The following RORA variants were observed in gnomAD, a reference collection of about 807,000 sequenced individuals.
RORA encodes RAR related orphan receptor A.
In RORA, 7 loss-of-function variants were observed where a neutral mutation model predicts 69.5. The observed-to-expected ratio is 0.10, with a 90% CI of 0.06 to 0.19. The LOEUF (loss-of-function observed/expected upper bound fraction) is 0.19, where lower values mean the gene tolerates loss of function less well. Ranked by LOEUF, RORA falls within the 10% of genes least tolerant of loss-of-function variation. The pLI is 1.00. For missense variants in RORA, 457 were observed against 663.0 expected, an observed-to-expected ratio of 0.69 and a Z score of 3.41; for synonymous variants, 261 against 240.8, an observed-to-expected ratio of 1.08 and a Z score of -0.78.
chr15:60,517,730 G>A (rs1392208973), intron 3 of RORA, among the ~76,000 whole-genome samples: 3 of 152,176 alleles, frequency 2.0e-5, no homozygotes, highest in Admixed American at 6.5e-5. Flanking sequence ...CTTGTGTAAA[G>A]GCATCACTGT....
intron 2 of RORA, among the ~76,000 whole-genome samples, chr15:60,607,426 C>G (rs896315508): frequency 5.9e-5 from 9 of 152,056 alleles, no homozygotes; most frequent in African/African-American, 1.2e-4. Flanking sequence ...TATGATGTAC[C>G]TCATTTTCTG....
intron 1 of RORA, among the ~76,000 whole-genome samples, chr15:61,066,901 A>G (rs1295410759): frequency 6.7e-6 from 1 of 150,224 alleles, no homozygotes; most frequent in Non-Finnish European, 1.5e-5. Context: ...AAAAAAAAAA[A>G]AAAAACCCAA....
intron 2 of RORA, among the ~76,000 whole-genome samples, chr15:60,565,007 G>A (rs149563019): frequency 9.2e-5 from 14 of 152,172 alleles, no homozygotes; most frequent in African/African-American, 7.2e-5. Context: ...GTTATCTATT[G>A]TATTCTACCA....
chr15:60,653,267 C>T (rs1249247444), intron 2 of RORA, among the ~76,000 whole-genome samples: 4 of 151,478 alleles, frequency 2.6e-5, no homozygotes, highest in East Asian at 1.9e-4. Context: ...GATACAAGGT[C>T]GTCCTTTGGC....
chr15:61,127,064 A>T (rs940496584), intron 1 of RORA, among the ~76,000 whole-genome samples: 4 of 152,180 alleles, frequency 2.6e-5, no homozygotes, highest in Non-Finnish European at 5.9e-5. Context: ...AAATCCAATT[A>T]TAAATATATT....
intron 1 of RORA, among the ~76,000 whole-genome samples, chr15:61,152,847 A>G (rs2079409332): frequency 6.6e-6 from 1 of 152,190 alleles, no homozygotes; most frequent in African/African-American, 2.4e-5. Flanking sequence ...GCAACTCCCT[A>G]CAGAATAATG....
At chr15:61,221,448 A>G (rs2140947935) in intron 1 of RORA, among the ~76,000 whole-genome samples, 1 of 152,288 alleles carries the variant, frequency 6.6e-6, no homozygotes, top group Non-Finnish European at 1.5e-5. Context: ...CAAAAAAGTC[A>G]GACGATTTTA....
intron 2 of RORA, among the ~76,000 whole-genome samples, chr15:60,540,618 G>A (rs986118138): frequency 7.2e-6 from 1 of 138,638 alleles, no homozygotes; most frequent in Non-Finnish European, 1.5e-5. Context: ...GAAGTAAGAT[G>A]TGCAGAAATG....
intron 1 of RORA, among the ~76,000 whole-genome samples, chr15:61,119,500 G>A (rs2079083580): frequency 1.3e-5 from 2 of 150,520 alleles, no homozygotes. Context: ...CCAGAGACAG[G>A]GTTTTGTCAT....
chr15:60,527,903 CCTT>C (rs1335527444), intron 3 of RORA, among the ~76,000 whole-genome samples: 2 of 152,156 alleles, frequency 1.3e-5, no homozygotes, highest in Non-Finnish European at 2.9e-5. Flanking sequence ...TCCTTGTTCT[CCTT>C]CTTCCTCAGC....
chr15:60,635,213 C>T (rs1477904023), intron 2 of RORA, among the ~76,000 whole-genome samples: 2 of 152,216 alleles, frequency 1.3e-5, no homozygotes, highest in Non-Finnish European at 2.9e-5. Flanking sequence ...TATATCTTCC[C>T]ATATATTTCT....
intron 2 of RORA, among the ~76,000 whole-genome samples, chr15:60,561,995 G>A (rs938587155): frequency 6.6e-6 from 1 of 151,958 alleles, no homozygotes. Context: ...CCAGGCTGGA[G>A]TACAGTGGCG....
intron 1 of RORA, among the ~76,000 whole-genome samples, chr15:60,917,090 T>C (rs75706602): frequency 3.0e-4 from 46 of 152,264 alleles, no homozygotes; most frequent in African/African-American, 1.1e-3. Flanking sequence ...CAACAACTTC[T>C]GCATACTGCC....
chr15:60,910,139 C>T (rs1416742536), intron 1 of RORA, among the ~76,000 whole-genome samples: 1 of 152,140 alleles, frequency 6.6e-6, no homozygotes, highest in African/African-American at 2.4e-5. Context: ...AGAGTCAGAT[C>T]CATGAGGCTA....
At chr15:61,001,848 A>G (rs975209964) in intron 1 of RORA, among the ~76,000 whole-genome samples, 2 of 152,256 alleles carry the variant, frequency 1.3e-5, no homozygotes, top group Non-Finnish European at 2.9e-5. Context: ...TCTCTGAGGA[A>G]GGGGCATTTA....
chr15:60,794,738 C>T (rs1215546107), intron 1 of RORA, among the ~76,000 whole-genome samples: 1 of 152,204 alleles, frequency 6.6e-6, no homozygotes, highest in Admixed American at 6.5e-5. Context: ...TACTTCTATT[C>T]TGATAGGGTG....
intron 1 of RORA, among the ~76,000 whole-genome samples, chr15:61,146,359 C>T (rs2079349257): frequency 6.6e-6 from 1 of 151,998 alleles, no homozygotes; most frequent in African/African-American, 2.4e-5. Context: ...CAGAAGTGCC[C>T]CCCACCAAAG....
chr15:61,034,217 A>G (rs1896333956), intron 1 of RORA, among the ~76,000 whole-genome samples: 2 of 152,196 alleles, frequency 1.3e-5, no homozygotes. Flanking sequence ...GCAGCTATAT[A>G]AAATCCTTGA....
intron 1 of RORA, chr15:61,194,160 A>C (rs1261406789): frequency 6.6e-6 from 1 of 152,236 alleles, no homozygotes; most frequent in African/African-American, 2.4e-5. Context: ...TTTCAGAGAC[A>C]TTTGAACTTG....
Sources: gnomAD v4.1 joint callset for allele counts (sites outside exome capture counted in the v4.1 genomes callset) on GRCh38, gnomAD v4.1.1 for gene constraint, MANE v1.5 for transcripts, NCBI Gene and HGNC (gene_info 2026-07-23, HGNC 2026-07-21) for gene names.